The following RNGTT variants were observed in gnomAD, a reference collection of about 807,000 sequenced individuals.
The protein encoded by RNGTT is RNA guanylyltransferase and 5'-phosphatase.
Under a neutral mutation model 79.3 loss-of-function variants are expected in RNGTT, and 33 were observed. That is an observed-to-expected ratio of 0.42 (90% CI 0.32 to 0.56). RNGTT has a LOEUF of 0.56. RNGTT is among the 20% of genes least tolerant of loss of function. RNGTT has a pLI of 0.17. For synonymous variants in RNGTT, 222 were observed against 235.9 expected (o/e 0.94, Z 0.54); for missense variants, 497 against 739.1 (o/e 0.67, Z 3.80).
intron 11 of RNGTT, among the ~76,000 whole-genome samples, chr6:88,827,133 G>A (rs1371206017): frequency 6.6e-6 from 1 of 152,048 alleles, no homozygotes; most frequent in Non-Finnish European, 1.5e-5. Context: ...CCAGTCTGCA[G>A]CTCCCAGCGA....
chr6:88,706,038 G>C (rs1776120000), intron 13 of RNGTT, among the ~76,000 whole-genome samples: 1 of 151,978 alleles, frequency 6.6e-6, no homozygotes, highest in Non-Finnish European at 1.5e-5. Context: ...CAACAATAAA[G>C]AGACTTCAGT....
At chr6:88,817,199 A>G (rs767534528) in intron 11 of RNGTT, among the ~76,000 whole-genome samples, 1 of 152,200 alleles carries the variant, frequency 6.6e-6, no homozygotes, top group African/African-American at 2.4e-5. Context: ...TCAGACAGCA[A>G]AAAGGAATAT....
chr6:88,896,879 T>C (rs549955918), intron 6 of RNGTT, among the ~76,000 whole-genome samples: 1 of 152,316 alleles, frequency 6.6e-6, no homozygotes, highest in South Asian at 2.1e-4. Flanking sequence ...ACTCGACCTG[T>C]TGTACAACCT....
intron 13 of RNGTT, among the ~76,000 whole-genome samples, chr6:88,765,753 T>C (rs1378120991): frequency 2.0e-5 from 3 of 152,186 alleles, no homozygotes; most frequent in African/African-American, 4.8e-5. Context: ...CTATATGCTA[T>C]ATATACCAGT....
chr6:88,829,085 TCAGA>T (rs1228584984), intron 11 of RNGTT, among the ~76,000 whole-genome samples: 1 of 151,908 alleles, frequency 6.6e-6, no homozygotes, highest in Admixed American at 6.6e-5. Context: ...CATATAATCA[TCAGA>T]TTCACCAAGG....
chr6:88,806,318 CTT>C (rs896456612), intron 11 of RNGTT, among the ~76,000 whole-genome samples: 23 of 135,500 alleles, frequency 1.7e-4, no homozygotes, highest in Admixed American at 1.5e-4. Context: ...AAGGAACACG[CTT>C]TTTTTTTTTT....
intron 13 of RNGTT, among the ~76,000 whole-genome samples, chr6:88,712,329 A>G (rs116650323): frequency 0.012 from 1,790 of 152,326 alleles, 30 homozygotes; most frequent in African/African-American, 0.04. Flanking sequence ...TTTTAAAAAT[A>G]GAGTCCCACT....
chr6:88,761,416 G>A (rs59862142), intron 13 of RNGTT, among the ~76,000 whole-genome samples: 3,229 of 152,114 alleles, frequency 0.021, 100 homozygotes, highest in African/African-American at 0.073. Flanking sequence ...GCTTGAACCC[G>A]GGAGGTGGAC....
chr6:88,959,906 A>C (rs1027222699), intron 1 of RNGTT, among the ~76,000 whole-genome samples: 17 of 152,184 alleles, frequency 1.1e-4, no homozygotes, highest in African/African-American at 3.6e-4. Flanking sequence ...TCAGTCTATT[A>C]TCTCTCCCAT....
intron 14 of RNGTT, among the ~76,000 whole-genome samples, chr6:88,643,569 A>G (rs976440041): frequency 4.3e-4 from 66 of 152,256 alleles, no homozygotes; most frequent in African/African-American, 1.5e-3. Context: ...TCACCACACC[A>G]CACCTATTCC....
intron 13 of RNGTT, among the ~76,000 whole-genome samples, chr6:88,759,025 G>A (rs1166509521): frequency 7.2e-5 from 11 of 152,002 alleles, no homozygotes; most frequent in Non-Finnish European, 1.6e-4. Flanking sequence ...TACTATGGTG[G>A]TGGCAAAATA....
chr6:88,654,077 C>T (rs1423382794), intron 14 of RNGTT, among the ~76,000 whole-genome samples: 3 of 152,178 alleles, frequency 2.0e-5, no homozygotes, highest in East Asian at 3.9e-4. Context: ...TGATTTTTAA[C>T]ATCCAGAAAG....
At chr6:88,664,139 G>A (rs145800658) in intron 14 of RNGTT, among the ~76,000 whole-genome samples, 3 of 152,190 alleles carry the variant, frequency 2.0e-5, no homozygotes, top group East Asian at 3.9e-4. Context: ...GGATCCAAAC[G>A]AGACAGAGGG....
At chr6:88,654,665 G>A (rs974199402) in intron 14 of RNGTT, among the ~76,000 whole-genome samples, 1 of 152,012 alleles carries the variant, frequency 6.6e-6, no homozygotes, top group Non-Finnish European at 1.5e-5. Flanking sequence ...GTAATCATGA[G>A]TTCAGGGACA....
chr6:88,647,598 GC>G (rs1773615587), intron 14 of RNGTT, among the ~76,000 whole-genome samples: 1 of 151,340 alleles, frequency 6.6e-6, no homozygotes, highest in African/African-American at 2.4e-5. Context: ...TGTAGTCCCA[GC>G]TACTCAGGAG....
intron 8 of RNGTT, among the ~76,000 whole-genome samples, chr6:88,884,297 T>C (rs1007680678): frequency 6.6e-6 from 1 of 152,166 alleles, no homozygotes; most frequent in Non-Finnish European, 1.5e-5. Context: ...ACACAATGGG[T>C]ACAATGCAGC....
rs577597663 is a variant in RNGTT, at chr6:88,779,303, G to A, written c.1339-9429C>T. On this transcript the variant is annotated intron_variant, in intron 12 of 15. Transcript: ENST00000369485. ...TACAGGCAAATCATCCTTTAGTTCC[G>A]TTTCCTACTTGTTTATAGTAAGTGA... is the stretch of plus-strand genomic sequence containing the variant. Among the ~76,000 whole-genome samples the A allele has an allele frequency of 3.7e-4, 57 of 152,198 alleles. No individual in the cohort carries two copies. The South Asian group carries it at 8.9e-3, about 24-fold the overall frequency.
intron 13 of RNGTT, among the ~76,000 whole-genome samples, chr6:88,764,967 T>G (rs1220488299): frequency 6.6e-6 from 1 of 152,010 alleles, no homozygotes; most frequent in Non-Finnish European, 1.5e-5. Context: ...CCAAGGCAGG[T>G]GGATCATCAG....
intron 6 of RNGTT, among the ~76,000 whole-genome samples, chr6:88,893,742 G>T: frequency 6.6e-6 from 1 of 152,042 alleles, no homozygotes. Flanking sequence ...TTCCTACCAT[G>T]CATCAACTTC....
Sources: gnomAD v4.1 joint callset for allele counts (sites outside exome capture counted in the v4.1 genomes callset) on GRCh38, gnomAD v4.1.1 for gene constraint, MANE v1.5 for transcripts, NCBI Gene and HGNC (gene_info 2026-07-23, HGNC 2026-07-21) for gene names.